PCDH9: variants seen among roughly 807,000 people sequenced by gnomAD.
PCDH9 encodes the protein protocadherin-9.
A neutral mutation model predicts 70.6 loss-of-function variants in PCDH9; 24 were observed. The observed-to-expected ratio is 0.34, with a 90% CI of 0.25 to 0.48. The LOEUF (loss-of-function observed/expected upper bound fraction) is 0.48. PCDH9 is among the 20% of genes least tolerant of loss of function. The pLI, the probability that PCDH9 is intolerant of heterozygous loss-of-function variation, is 0.99. For synonymous variants in PCDH9, 562 were observed against 558.5 expected, an observed-to-expected ratio of 1.01 and a Z score of -0.09; for missense variants, 1,281 against 1,503.6, an observed-to-expected ratio of 0.85 and a Z score of 2.45.
chr13:66,371,046 G>C (rs1956642295), intron 4 of PCDH9, among the ~76,000 whole-genome samples: 1 of 152,158 alleles, frequency 6.6e-6, no homozygotes, highest in South Asian at 2.1e-4. Context: ...AACTTAATGA[G>C]CTTTGAGGGA....
intron 2 of PCDH9, chr13:67,214,935 G>GATAGATATATATATATAT (rs1555321190): frequency 3.4e-5 from 3 of 89,246 alleles, no homozygotes; most frequent in Admixed American, 1.2e-4. Context: ...TTGCGAGCCA[G>GATAGATATATATATATAT]ATATATATAT....
At chr13:67,076,354 T>C (rs2085877443) in intron 2 of PCDH9, among the ~76,000 whole-genome samples, 1 of 152,192 alleles carries the variant, frequency 6.6e-6, no homozygotes, top group Non-Finnish European at 1.5e-5. Context: ...GTCTTTTCAA[T>C]ATGTGAATAA....
chr13:66,973,743 A>C (rs2083565427), intron 2 of PCDH9, among the ~76,000 whole-genome samples: 3 of 151,970 alleles, frequency 2.0e-5, no homozygotes, highest in South Asian at 4.1e-4. Flanking sequence ...TTACATTTTC[A>C]ATTTTTTGTA....
intron 2 of PCDH9, among the ~76,000 whole-genome samples, chr13:67,068,827 T>C (rs565760336): frequency 1.2e-4 from 19 of 152,314 alleles, no homozygotes; most frequent in Middle Eastern, 3.4e-3. Flanking sequence ...CCTAAAATTA[T>C]CCTGTTATGT....
At chr13:66,471,438 T>C (rs1055978198) in intron 4 of PCDH9, among the ~76,000 whole-genome samples, 6 of 152,218 alleles carry the variant, frequency 3.9e-5, no homozygotes, top group Non-Finnish European at 4.4e-5. Flanking sequence ...AAAATAAAAG[T>C]TGAGAATAAT....
At chr13:66,755,884 G>T (rs7990416) in intron 3 of PCDH9, among the ~76,000 whole-genome samples, 3,872 of 152,206 alleles carry the variant, frequency 0.025, 153 homozygotes, top group African/African-American at 0.088. Context: ...CAGACTCATG[G>T]GTCCAGATGG....
intron 4 of PCDH9, among the ~76,000 whole-genome samples, chr13:66,503,339 G>A (rs1285961062): frequency 3.9e-5 from 6 of 151,974 alleles, no homozygotes; most frequent in Admixed American, 6.6e-5. Flanking sequence ...TTTAAAATAC[G>A]TATTTCCAAA....
At chr13:66,616,042 GA>G (rs1264737122) in intron 4 of PCDH9, among the ~76,000 whole-genome samples, 1 of 152,212 alleles carries the variant, frequency 6.6e-6, no homozygotes, top group African/African-American at 2.4e-5. Context: ...TTGACTTACA[GA>G]GCCGATAGAA....
intron 4 of PCDH9, among the ~76,000 whole-genome samples, chr13:66,571,186 G>A (rs2076728333): frequency 6.6e-6 from 1 of 151,878 alleles, no homozygotes; most frequent in Non-Finnish European, 1.5e-5. Context: ...TTGTTACATG[G>A]TAAGTTATCC....
chr13:66,765,974 T>C (rs1157389879), intron 3 of PCDH9, among the ~76,000 whole-genome samples: 2 of 152,062 alleles, frequency 1.3e-5, no homozygotes, highest in African/African-American at 4.8e-5. Context: ...AAACATGATA[T>C]GTATTATTAT....
intron 3 of PCDH9, among the ~76,000 whole-genome samples, chr13:66,698,605 G>T (rs756934189): frequency 2.6e-5 from 4 of 152,054 alleles, no homozygotes; most frequent in African/African-American, 7.2e-5. Context: ...TCGAGACAGG[G>T]TCTTGCTCTG....
intron 3 of PCDH9, among the ~76,000 whole-genome samples, chr13:66,657,170 C>T (rs959589411): frequency 1.3e-5 from 2 of 152,164 alleles, no homozygotes; most frequent in Non-Finnish European, 1.5e-5. Context: ...TAACCAATTA[C>T]ACAAGTTTCT....
At chr13:66,743,161 G>T (rs2079296310) in intron 3 of PCDH9, among the ~76,000 whole-genome samples, 2 of 51,334 alleles carry the variant, frequency 3.9e-5, no homozygotes, top group African/African-American at 5.4e-5. Context: ...ATACTATGCA[G>T]CCATAAAAAA....
At chr13:66,515,995 G>T (rs1386396915) in intron 4 of PCDH9, among the ~76,000 whole-genome samples, 8 of 151,830 alleles carry the variant, frequency 5.3e-5, no homozygotes, top group Admixed American at 3.9e-4. Flanking sequence ...ATACCCATTG[G>T]CTTTGCTGTC....
chr13:66,487,213 T>C (rs1958959086), intron 4 of PCDH9, among the ~76,000 whole-genome samples: 1 of 152,240 alleles, frequency 6.6e-6, no homozygotes, highest in African/African-American at 2.4e-5. Flanking sequence ...AAGCCGTACT[T>C]TGAATAGGTA....
At chr13:66,959,211 A>C in intron 2 of PCDH9, among the ~76,000 whole-genome samples, 1 of 152,220 alleles carries the variant, frequency 6.6e-6, no homozygotes, top group East Asian at 1.9e-4. Flanking sequence ...CATGAAGCAC[A>C]TATAAGAGAT....
In PCDH9 at chr13:66,794,977, GCACA is replaced by G. The variant is rs71107002; in HGVS notation, c.3138+108523_3138+108526del. Reference sequence around the variant, plus strand: ...AACTAACCCAAACGGACACACACAGGCACACACACACACACACACACACACAAAT... The same window carrying G: ...AACTAACCCAAACGGACACACACAGGCACACACACACACACACACACAAAT... On this transcript the variant is annotated intron_variant, in intron 3 of 4. Coordinates refer to ENST00000377865, the MANE Select transcript of PCDH9 (RefSeq NM_203487.3). 1.7e-3 allele frequency among the ~76,000 whole-genome samples: 256 copies of G among 147,392 alleles called. 3 individuals carry two copies. The highest frequency in any genetic ancestry group is 6.0e-3 in the African/African-American group (242 of 40,016).
intron 4 of PCDH9, among the ~76,000 whole-genome samples, chr13:66,357,785 T>C (rs1276791180): frequency 6.6e-6 from 1 of 152,064 alleles, no homozygotes; most frequent in African/African-American, 2.4e-5. Flanking sequence ...ATAAGTTCTC[T>C]GCAGCTGAGA....
intron 3 of PCDH9, among the ~76,000 whole-genome samples, chr13:66,861,513 T>C (rs143546315): frequency 5.3e-4 from 81 of 152,308 alleles, no homozygotes; most frequent in Middle Eastern, 3.4e-3. Flanking sequence ...CCTTTCTAAA[T>C]GTCACAAGTT....
Sources: allele counts gnomAD v4.1 joint callset (sites outside exome capture counted in the v4.1 genomes callset), GRCh38; gene constraint gnomAD v4.1.1; transcripts MANE v1.5; gene names NCBI Gene and HGNC (gene_info 2026-07-23, HGNC 2026-07-21).